DPP10: variants seen among roughly 807,000 people sequenced by gnomAD.
DPP10 encodes dipeptidyl peptidase like 10.
A neutral mutation model predicts 120.9 loss-of-function variants in DPP10; 33 were observed. The ratio of observed to expected loss-of-function variants is 0.27; its 90% confidence interval spans 0.21 to 0.37. The LOEUF is 0.37. Ranked by LOEUF, DPP10 falls within the 10% of genes least tolerant of loss-of-function variation. The pLI is 1.00. For missense variants in DPP10, 816 were observed against 942.8 expected (o/e 0.87, Z 1.76); for synonymous variants, 337 against 326.1 (o/e 1.03, Z -0.36).
intron 21 of DPP10, among the ~76,000 whole-genome samples, chr2:115,831,271 C>G (rs1367955123): frequency 2.0e-5 from 3 of 151,146 alleles, no homozygotes; most frequent in Non-Finnish European, 4.4e-5. Context: ...TATTTTGAGA[C>G]GGAGTCTTAC....
chr2:114,643,933 A>AT (rs1220069237), intron 1 of DPP10, among the ~76,000 whole-genome samples: 8,966 of 133,168 alleles, frequency 0.067, 357 homozygotes, highest in East Asian at 0.11. Flanking sequence ...ATATATATAT[A>AT]TATTTTTTTT....
intron 1 of DPP10, among the ~76,000 whole-genome samples, chr2:114,627,350 C>T (rs947666837): frequency 6.6e-6 from 1 of 152,112 alleles, no homozygotes; most frequent in African/African-American, 2.4e-5. Context: ...GTTCCCTGAC[C>T]AGTAGAAAAT....
chr2:115,703,604 A>C lies in DPP10; in HGVS notation c.576+13683A>C, dbSNP rs1017391801. ...TGAAGCAGAATTCATTTTTGGGGGG[A>C]AACTTCATATTGTACCCTTAAGGCC... On this transcript the variant is annotated intron_variant, in intron 7 of 25. Coordinates refer to ENST00000410059, the MANE Select transcript of DPP10 (RefSeq NM_020868.6). Among the ~76,000 whole-genome samples, 63 of 152,092 alleles carry C rather than the reference A, an allele frequency of 4.1e-4. 2 individuals are homozygous for C. The highest frequency in any genetic ancestry group is 3.7e-3 in the Admixed American group (57 of 15,230).
intron 1 of DPP10, among the ~76,000 whole-genome samples, chr2:115,094,420 C>T (rs1463401607): frequency 6.6e-6 from 1 of 152,122 alleles, no homozygotes; most frequent in Non-Finnish European, 1.5e-5. Flanking sequence ...CTTCGGCAAA[C>T]TTTCTCATTG....
chr2:115,110,772 AT>A (rs571620756), intron 1 of DPP10, among the ~76,000 whole-genome samples: 11 of 151,876 alleles, frequency 7.2e-5, no homozygotes, highest in East Asian at 3.9e-4. Flanking sequence ...AAATATTTTG[AT>A]TTTTTTCCCC....
At chr2:114,799,217 C>T (rs973863584) in intron 1 of DPP10, among the ~76,000 whole-genome samples, 1 of 152,146 alleles carries the variant, frequency 6.6e-6, no homozygotes, top group Non-Finnish European at 1.5e-5. Flanking sequence ...TTGAGGATTG[C>T]ATTATCTCTC....
intron 1 of DPP10, among the ~76,000 whole-genome samples, chr2:114,603,567 G>A (rs1286917628): frequency 1.3e-5 from 2 of 151,976 alleles, no homozygotes; most frequent in Non-Finnish European, 2.9e-5. Context: ...ATTCCTTATT[G>A]ACTCTGCAGA....
chr2:114,873,570 G>A (rs1248329791), intron 1 of DPP10, among the ~76,000 whole-genome samples: 1 of 152,140 alleles, frequency 6.6e-6, no homozygotes, highest in East Asian at 1.9e-4. Flanking sequence ...TGGAGCAGCT[G>A]TCATGGCTGC....
Position 115,161,646 on chromosome 2 carries a change from C to A in DPP10, c.61-147593C>A, listed in dbSNP as rs915377405. 65 of 261,878 alleles carry A rather than the reference C, an allele frequency of 2.5e-4. 1 individual carries two copies. Among genetic ancestry groups the A allele is most frequent in the Middle Eastern group, 1.1e-3 (1 of 890 alleles). 16.2% of individuals were successfully genotyped at this position (261,878 alleles called of 1,614,324 possible). On this transcript the variant is annotated intron_variant, in intron 1 of 25. Transcript: ENST00000410059. ...CCGCAGCTCGGTCAGGGGCCGGGGC[C>A]CCGCCGCTCGCCGCTGCACTAACTT...
intron 1 of DPP10, among the ~76,000 whole-genome samples, chr2:114,772,636 T>C (rs564345212): frequency 6.6e-5 from 10 of 151,912 alleles, no homozygotes; most frequent in Non-Finnish European, 1.2e-4. Flanking sequence ...ATCTCATGTG[T>C]GTTCCTTAAG....
At chr2:115,445,790 C>G (rs528028820) in intron 3 of DPP10, among the ~76,000 whole-genome samples, 1 of 152,270 alleles carries the variant, frequency 6.6e-6, no homozygotes, top group African/African-American at 2.4e-5. Flanking sequence ...TAATGAGGAG[C>G]TGAATGTTAA....
In DPP10 at chr2:115,707,462, A is replaced by ACACACACT. The variant is rs1491330284; in HGVS notation, c.576+17542_576+17543insACACACTC. Among the ~76,000 whole-genome samples, 669 of 134,364 alleles carry ACACACACT rather than the reference A, an allele frequency of 5.0e-3. 6 individuals are homozygous for ACACACACT. Among genetic ancestry groups the ACACACACT allele is most frequent in the African/African-American group, 0.019 (640 of 33,494 alleles). The allele number at this position is 134,364 out of a possible 152,430, so 88.1% of individuals were successfully genotyped here. A position where few individuals can be genotyped will look rare whatever the true frequency, so the allele number is the denominator to read the frequency against. On this transcript the variant is annotated intron_variant, in intron 7 of 25. Coordinates refer to ENST00000410059, the MANE Select transcript of DPP10 (RefSeq NM_020868.6). ...CACACACACACACACACACACACAC[A>ACACACACT]CTCTCTCCACATTTTTTATTGGAAT...
chr2:115,761,925 A>G (rs2149789735), intron 11 of DPP10, among the ~76,000 whole-genome samples: 1 of 152,258 alleles, frequency 6.6e-6, no homozygotes, highest in South Asian at 2.1e-4. Flanking sequence ...ATTTCATGTC[A>G]TTACATGTAA....
chr2:115,053,298 A>T (rs1258338374), intron 1 of DPP10, among the ~76,000 whole-genome samples: 2 of 152,248 alleles, frequency 1.3e-5, no homozygotes, highest in Non-Finnish European at 2.9e-5. Context: ...AAAGCAACAC[A>T]GTACTAGCAC....
chr2:115,144,727 A>T (rs929899325), intron 1 of DPP10: 3 of 151,030 alleles, frequency 2.0e-5, no homozygotes, highest in Non-Finnish European at 4.4e-5. Flanking sequence ...ATGACGAGTT[A>T]ATGGGTGCAG....
chr2:114,594,198 C>T (rs1691696525), intron 1 of DPP10, among the ~76,000 whole-genome samples: 1 of 151,972 alleles, frequency 6.6e-6, no homozygotes, highest in African/African-American at 2.4e-5. Context: ...CTGTTCTAGC[C>T]TCCCAGCATA....
chr2:114,543,808 A>G (rs1218315192), intron 1 of DPP10, among the ~76,000 whole-genome samples: 1 of 151,496 alleles, frequency 6.6e-6, no homozygotes, highest in East Asian at 1.9e-4. Context: ...TGATCACTGC[A>G]ATGTCTGCTA....
intron 1 of DPP10, among the ~76,000 whole-genome samples, chr2:114,450,829 A>T (rs911933692): frequency 6.6e-6 from 1 of 151,966 alleles, no homozygotes; most frequent in South Asian, 2.1e-4. Flanking sequence ...TGGAGCTTGC[A>T]TTAGTATAGC....
chr2:115,061,488 TATC>T (rs1394708935), intron 1 of DPP10, among the ~76,000 whole-genome samples: 1 of 152,238 alleles, frequency 6.6e-6, no homozygotes, highest in Admixed American at 6.5e-5. Flanking sequence ...ATAACATATT[TATC>T]ATCCCTCATG....
Sources: gnomAD v4.1 joint callset for allele counts (sites outside exome capture counted in the v4.1 genomes callset) on GRCh38, gnomAD v4.1.1 for gene constraint, MANE v1.5 for transcripts, NCBI Gene and HGNC (gene_info 2026-07-23, HGNC 2026-07-21) for gene names.